CDH18: variants seen among roughly 807,000 people sequenced by gnomAD.
The protein encoded by CDH18 is cadherin 18.
In CDH18, 31 loss-of-function variants were observed where a neutral mutation model predicts 67.9. The ratio of observed to expected loss-of-function variants is 0.46; its 90% CI spans 0.34 to 0.62. CDH18 has a LOEUF of 0.62. Ranked by LOEUF, CDH18 falls within the 20% of genes least tolerant of loss-of-function variation. The pLI is 0.01. For synonymous variants in CDH18, 362 were observed against 347.2 expected, an observed-to-expected ratio of 1.04 and a Z score of -0.48; for missense variants, 890 against 975.5, an observed-to-expected ratio of 0.91 and a Z score of 1.17.
At chr5:20,176,153 A>G (rs1175158893) in intron 2 of CDH18, among the ~76,000 whole-genome samples, 2 of 152,152 alleles carry the variant, frequency 1.3e-5, no homozygotes, top group East Asian at 3.9e-4. Context: ...TGCAAGACGC[A>G]GTTTTACATG....
At chr5:20,487,329 T>C (rs1350013369) in intron 1 of CDH18, among the ~76,000 whole-genome samples, 1 of 150,224 alleles carries the variant, frequency 6.7e-6, no homozygotes, top group Non-Finnish European at 1.5e-5. Context: ...GAGATACATA[T>C]ATATAAACCT....
At chr5:20,472,358 T>C (rs969388695) in intron 1 of CDH18, among the ~76,000 whole-genome samples, 10 of 152,208 alleles carry the variant, frequency 6.6e-5, no homozygotes, top group Admixed American at 5.2e-4. Context: ...TAAAGCTTCA[T>C]GATTATTTAA....
intron 2 of CDH18, among the ~76,000 whole-genome samples, chr5:20,032,126 T>C (rs1580081490): frequency 6.6e-6 from 1 of 152,130 alleles, no homozygotes; most frequent in Admixed American, 6.6e-5. Flanking sequence ...AATGACAGTA[T>C]GTATGTAGCA....
intron 2 of CDH18, among the ~76,000 whole-genome samples, chr5:20,075,031 G>GA (rs1743803156): frequency 6.6e-6 from 1 of 152,128 alleles, no homozygotes; most frequent in African/African-American, 2.4e-5. Context: ...ATACACTGAA[G>GA]AAAAATAAAT....
At chr5:20,266,269 G>C (rs892194632) in intron 1 of CDH18, among the ~76,000 whole-genome samples, 3 of 135,860 alleles carry the variant, frequency 2.2e-5, no homozygotes, top group Non-Finnish European at 4.8e-5. Context: ...CCTGACACTA[G>C]AGAATGCTTT....
At chr5:20,077,807 T>G (rs1744079194) in intron 2 of CDH18, among the ~76,000 whole-genome samples, 1 of 152,196 alleles carries the variant, frequency 6.6e-6, no homozygotes, top group Admixed American at 6.5e-5. Flanking sequence ...CTTGTTTTAA[T>G]AAATAGATTT....
rs113795385 is a variant in CDH18 at position 20,471,834 on chromosome 5, A to T, written c.-580+103628T>A. Among the ~76,000 whole-genome samples, 215 of 46,334 alleles carry T rather than the reference A, an allele frequency of 4.6e-3. 1 individual carries two copies. Among genetic ancestry groups the T allele is most frequent in the African/African-American group, 0.016 (204 of 13,074 alleles). The allele number at this position is 46,334 out of a possible 152,430, so 30.4% of individuals were successfully genotyped here. On this transcript the variant is annotated intron_variant, in intron 1 of 14. Transcript: ENST00000507958. ...TGGGCAACAGATCGAGATTCAGTCT[A>T]AAAAAAAAAAAAAAAAAGCAAAAGC...
chr5:19,803,667 C>T (rs187444611), intron 3 of CDH18, among the ~76,000 whole-genome samples: 4 of 152,096 alleles, frequency 2.6e-5, no homozygotes, highest in African/African-American at 7.2e-5. Flanking sequence ...TCCAGTAAGA[C>T]GCAAAGCAAG....
At position 19,981,060 on chromosome 5, in the gene CDH18, C is replaced by T. The variant is rs1361762174; in HGVS notation, c.-257G>A. ...TTTCATGATAAATACAGAATCAAAC[C>T]TTTTCTCTCAATCTCCACTGCTGTC... On this transcript the variant is annotated splice_region_variant and 5_prime_UTR_variant, in exon 2 of 13. Coordinates refer to ENST00000382275, the MANE Select transcript of CDH18 (RefSeq NM_004934.5). The T allele has an allele frequency of 6.6e-6, 1 of 152,130 alleles. No individual in the cohort carries two copies. Among genetic ancestry groups the T allele is most frequent in the Non-Finnish European group, 1.5e-5 (1 of 68,036 alleles). 9.4% of individuals were successfully genotyped at this position (152,130 alleles called of 1,614,324 possible).
At chr5:20,058,405 GA>G (rs1025667368) in intron 2 of CDH18, among the ~76,000 whole-genome samples, 1 of 151,644 alleles carries the variant, frequency 6.6e-6, no homozygotes, top group Non-Finnish European at 1.5e-5. Flanking sequence ...GGACCACAAT[GA>G]AAAAAAAGTC....
intron 1 of CDH18, among the ~76,000 whole-genome samples, chr5:20,384,136 C>G (rs1744124871): frequency 6.6e-6 from 1 of 152,056 alleles, no homozygotes; most frequent in Admixed American, 6.6e-5. Flanking sequence ...TGAGATCTAC[C>G]TACTGTAATA....
intron 2 of CDH18, among the ~76,000 whole-genome samples, chr5:20,162,388 GA>G (rs898688087): frequency 2.0e-5 from 3 of 147,240 alleles, no homozygotes; most frequent in Admixed American, 6.8e-5. Context: ...AATTTTATTA[GA>G]AAAAAATTAA....
rs1311785538 is a variant in CDH18, at chr5:20,388,926, A to G, written c.-579-133421T>C. On this transcript the variant is annotated intron_variant, in intron 1 of 14. Transcript: ENST00000507958. ...ACTGTGGTCTGAGAGACAGTTTGTT[A>G]TAATTTCTGTTTTTTCACATTTGCT... Among the ~76,000 whole-genome samples, 5 of 152,254 alleles carry G rather than the reference A, an allele frequency of 3.3e-5. No individual in the cohort carries two copies. The South Asian group carries it at 1.0e-3, about 32-fold the overall frequency.
intron 1 of CDH18, among the ~76,000 whole-genome samples, chr5:20,422,496 T>G (rs2150160769): frequency 6.6e-6 from 1 of 151,264 alleles, no homozygotes; most frequent in South Asian, 2.1e-4. Context: ...ATTAATAATG[T>G]AAGATAAATG....
chr5:20,299,412 ACACACAC>A (rs1747781062), intron 1 of CDH18, among the ~76,000 whole-genome samples: 1 of 26,770 alleles, frequency 3.7e-5, no homozygotes, highest in Non-Finnish European at 8.3e-5. Flanking sequence ...CTACACACAC[ACACACAC>A]ACACACACAC....
At chr5:20,223,795 T>C (rs1741406987) in intron 2 of CDH18, among the ~76,000 whole-genome samples, 1 of 152,102 alleles carries the variant, frequency 6.6e-6, no homozygotes, top group Non-Finnish European at 1.5e-5. Context: ...GGAACTTGTG[T>C]TCTCTCTTGC....
chr5:19,545,776 C>T (rs752189189), intron 8 of CDH18, among the ~76,000 whole-genome samples: 6 of 152,142 alleles, frequency 3.9e-5, no homozygotes, highest in Middle Eastern at 3.4e-3. Context: ...CCATTAGATA[C>T]CCATGTGGAA....
At chr5:19,679,586 G>C (rs1448833104) in intron 5 of CDH18, among the ~76,000 whole-genome samples, 1 of 151,892 alleles carries the variant, frequency 6.6e-6, no homozygotes, top group Non-Finnish European at 1.5e-5. Flanking sequence ...TCCTAGAACT[G>C]ATATATGACT....
intron 2 of CDH18, among the ~76,000 whole-genome samples, chr5:19,906,290 C>A (rs976823555): frequency 1.3e-5 from 2 of 151,740 alleles, no homozygotes; most frequent in Admixed American, 6.6e-5. Context: ...CACCTTCTAC[C>A]CCAGATCCTT....
Sources: allele counts gnomAD v4.1 joint callset (sites outside exome capture counted in the v4.1 genomes callset), GRCh38; gene constraint gnomAD v4.1.1; transcripts MANE v1.5; gene names NCBI Gene and HGNC (gene_info 2026-07-23, HGNC 2026-07-21).